NALCN: variants seen among roughly 807,000 people sequenced by gnomAD.
NALCN encodes the protein sodium leak channel, non-selective, also known as sodium leak channel NALCN.
A neutral mutation model predicts 225.3 loss-of-function variants in NALCN; 111 were observed. The ratio of observed to expected loss-of-function variants is 0.49; its 90% CI spans 0.42 to 0.58. The LOEUF is 0.58. Among genes scored for constraint, NALCN ranks in the 20% least tolerant of loss-of-function variants. The pLI is 0.00. For missense variants in NALCN, 1,378 were observed against 2,202.4 expected, an observed-to-expected ratio of 0.63 and a Z score of 7.49; for synonymous variants, 764 against 769.0, an observed-to-expected ratio of 0.99 and a Z score of 0.11.
chr13:101,129,878 C>A (rs116594638), intron 17 of NALCN, among the ~76,000 whole-genome samples: 8 of 152,018 alleles, frequency 5.3e-5, no homozygotes, highest in South Asian at 2.1e-4. Flanking sequence ...CCTTGCCCCC[C>A]ACCCCGATAG....
intron 7 of NALCN, among the ~76,000 whole-genome samples, chr13:101,328,651 TTTAC>T (rs1668572642): frequency 6.6e-6 from 1 of 152,214 alleles, no homozygotes; most frequent in African/African-American, 2.4e-5. Context: ...CCTTAATTTA[TTTAC>T]TTAATTATGT....
At position 101,092,305 on chromosome 13, in the gene NALCN, C is replaced by T. The variant is rs151336021; in HGVS notation, c.3270-2339G>A. On this transcript the variant is annotated intron_variant, in intron 28 of 43. Transcript: ENST00000251127. ...GGGGAACATGGGGGCACCCTGAAGACGTGACTGAGCGTCTGCCCTTGGATG... is the reference window on the plus strand; with the variant it reads ...GGGGAACATGGGGGCACCCTGAAGATGTGACTGAGCGTCTGCCCTTGGATG... Among the ~76,000 whole-genome samples, 802 of 152,274 alleles carry T rather than the reference C, an allele frequency of 5.3e-3. 8 individuals are homozygous for T. Among genetic ancestry groups the T allele is most frequent in the African/African-American group, 0.018 (766 of 41,542 alleles).
At chr13:101,197,364 C>A (rs532168608) in intron 13 of NALCN, among the ~76,000 whole-genome samples, 1 of 151,970 alleles carries the variant, frequency 6.6e-6, no homozygotes, top group Non-Finnish European at 1.5e-5. Context: ...AGCTGCTATT[C>A]GGAGAAAATG....
chr13:101,165,480 G>A (rs2038394658), intron 15 of NALCN, among the ~76,000 whole-genome samples: 2 of 152,234 alleles, frequency 1.3e-5, no homozygotes, highest in African/African-American at 4.8e-5. Context: ...TGTCGTTGTT[G>A]TTGTTATTTG....
chr13:101,399,597 C>T (rs528967246), intron 1 of NALCN, among the ~76,000 whole-genome samples: 16 of 152,228 alleles, frequency 1.1e-4, no homozygotes, highest in East Asian at 5.8e-4. Flanking sequence ...TAATTTAATA[C>T]GACATTCACA....
chr13:101,372,354 T>G (rs961761875), intron 6 of NALCN, among the ~76,000 whole-genome samples: 17 of 152,248 alleles, frequency 1.1e-4, no homozygotes, highest in African/African-American at 4.1e-4. Flanking sequence ...TTGACTTTGG[T>G]GACATTTATA....
At chr13:101,360,230 C>CTCTCTCTCTCTCTCT (rs59300252) in intron 6 of NALCN, among the ~76,000 whole-genome samples, 3 of 124,596 alleles carry the variant, frequency 2.4e-5, no homozygotes, top group Non-Finnish European at 5.1e-5. Flanking sequence ...CTCTCTCTCT[C>CTCTCTCTCTCTCTCT]CTTCCTTCCT....
chr13:101,067,197 G>A (rs1160452098), intron 39 of NALCN, among the ~76,000 whole-genome samples: 1 of 148,278 alleles, frequency 6.7e-6, no homozygotes, highest in Non-Finnish European at 1.5e-5. Flanking sequence ...AGGAGGAGGT[G>A]GGGGAGGAGA....
chr13:101,214,704 G>A (rs2040662519), intron 13 of NALCN, among the ~76,000 whole-genome samples: 1 of 152,132 alleles, frequency 6.6e-6, no homozygotes, highest in African/African-American at 2.4e-5. Flanking sequence ...ATCTCTGCTA[G>A]ACTTTGGTTT....
chr13:101,330,147 T>C (rs1373896676), intron 7 of NALCN, among the ~76,000 whole-genome samples: 1 of 151,882 alleles, frequency 6.6e-6, no homozygotes, highest in Non-Finnish European at 1.5e-5. Flanking sequence ...GACACCTTTT[T>C]CCCTTACCCT....
chr13:101,249,350 C>T (rs911037317), intron 11 of NALCN, among the ~76,000 whole-genome samples: 12 of 152,144 alleles, frequency 7.9e-5, no homozygotes, highest in African/African-American at 2.4e-4. Flanking sequence ...AACAATAGCC[C>T]TAGATGGTGT....
At chr13:101,058,658 CTTTTTTTT>C (rs11353820) in intron 42 of NALCN, 2 of 138,800 alleles carry the variant, frequency 1.4e-5, no homozygotes, top group Non-Finnish European at 3.1e-5. Context: ...CTTTAGTATC[CTTTTTTTT>C]TTTTTTTTGT....
intron 15 of NALCN, among the ~76,000 whole-genome samples, chr13:101,166,405 GT>G (rs55825099): frequency 0.66 from 97,731 of 148,886 alleles, 32,704 homozygotes; most frequent in African/African-American, 0.82. Context: ...TTGCCAAACT[GT>G]TTTTTTTTTT....
intron 6 of NALCN, among the ~76,000 whole-genome samples, chr13:101,363,718 C>G (rs1346898087): frequency 6.6e-6 from 1 of 151,850 alleles, no homozygotes; most frequent in African/African-American, 2.4e-5. Context: ...GCAACTAAAG[C>G]AAAAATAGAT....
chr13:101,266,490 G>C (rs919210212), intron 10 of NALCN, among the ~76,000 whole-genome samples: 9 of 152,082 alleles, frequency 5.9e-5, no homozygotes, highest in Non-Finnish European at 8.8e-5. Flanking sequence ...ACAAAATAGT[G>C]GTCTCAGAGG....
At chr13:101,111,043 G>C in intron 19 of NALCN, 82 bp downstream of exon 19, 1 of 1,403,212 alleles carries the variant, frequency 7.1e-7, no homozygotes, top group Non-Finnish European at 9.9e-7. Flanking sequence ...AGGGCTGACA[G>C]CCGTGACTGT....
In NALCN at chr13:101,124,803, C is replaced by T. The variant is rs554145222; in HGVS notation, c.2119-122G>A. ...TGAATATGTTTCGCTAAAGCATCAT[C>T]GTACAATTGACAATTCTTGTCTATT... On this transcript the variant is annotated intron_variant, in intron 17 of 43. Transcript: ENST00000251127. 6.9e-5 allele frequency: 60 copies of T among 871,780 alleles called. No individual in the cohort carries two copies. The South Asian group carries it at 8.7e-4, about 13-fold the overall frequency. 54.0% of individuals were successfully genotyped at this position (871,780 alleles called of 1,614,324 possible).
In NALCN at chr13:101,091,543, A is replaced by T. The variant is rs1260548712; in HGVS notation, c.3270-1577T>A. 2.7e-5 allele frequency among the ~76,000 whole-genome samples: 4 copies of T among 150,532 alleles called. No homozygotes were observed. In the East Asian group the frequency reaches 7.8e-4, roughly 29 times the overall value. ...ATATAGTGCAAAAGCCCCACTCAGAAATGCATATTTTGGAATTCTGCTTTA... is the reference window on the plus strand; with the variant it reads ...ATATAGTGCAAAAGCCCCACTCAGATATGCATATTTTGGAATTCTGCTTTA... On this transcript the variant is annotated intron_variant, in intron 28 of 43. Transcript: ENST00000251127.
At chr13:101,289,537 T>C (rs1181361090) in intron 9 of NALCN, among the ~76,000 whole-genome samples, 1 of 128,392 alleles carries the variant, frequency 7.8e-6, no homozygotes, top group African/African-American at 2.6e-5. Flanking sequence ...TATATATATA[T>C]ATATATATAT....
Sources: allele counts gnomAD v4.1 joint callset (sites outside exome capture counted in the v4.1 genomes callset), GRCh38; gene constraint gnomAD v4.1.1; transcripts MANE v1.5; gene names NCBI Gene and HGNC (gene_info 2026-07-23, HGNC 2026-07-21).